DNAH9: variants seen among roughly 807,000 people sequenced by gnomAD.
DNAH9 encodes the protein dynein axonemal heavy chain 9.
A neutral mutation model predicts 471.6 loss-of-function variants in DNAH9; 345 were observed. The observed-to-expected ratio is 0.73, with a 90% CI of 0.67 to 0.80. DNAH9 has a LOEUF of 0.80. Among genes scored for constraint, DNAH9 ranks in the 30% least tolerant of loss-of-function variants. The probability of loss-of-function intolerance (pLI) is 0.00; values close to 1 mark genes in which losing one functional copy is unlikely to be tolerated. For synonymous variants in DNAH9, 2,093 were observed against 2,123.6 expected (o/e 0.99, Z 0.40); for missense variants, 5,407 against 5,609.2 (o/e 0.96, Z 1.15).
At chr17:11,883,317 A>G in intron 55 of DNAH9, 4 of 1,189,970 alleles carry the variant, frequency 3.4e-6, no homozygotes, top group East Asian at 3.8e-5. Flanking sequence ...CCCATTGTGC[A>G]TTAAGCATAG....
At chr17:11,931,643 G>A (rs988261280) in intron 63 of DNAH9, among the ~76,000 whole-genome samples, 16 of 152,144 alleles carry the variant, frequency 1.1e-4, no homozygotes, top group Non-Finnish European at 2.4e-4. Context: ...AAGCATGGTA[G>A]GAAGGGAAGA....
chr17:11,624,021 C>T (rs551050402), intron 6 of DNAH9, among the ~76,000 whole-genome samples: 136 of 152,272 alleles, frequency 8.9e-4, no homozygotes, highest in Non-Finnish European at 1.4e-3. Context: ...CAGTATTTTT[C>T]GGTGTCTGCA....
chr17:11,605,270 A>T (rs1379662923), intron 1 of DNAH9, among the ~76,000 whole-genome samples: 1 of 150,880 alleles, frequency 6.6e-6, no homozygotes, highest in East Asian at 2.0e-4. Flanking sequence ...TCCACCCCAC[A>T]CTCCTGATTC....
chr17:11,925,026 A>G, intron 62 of DNAH9: 1 of 358,920 alleles, frequency 2.8e-6, no homozygotes, highest in Non-Finnish European at 5.5e-6. Context: ...CCACTTGTAT[A>G]CATGCTGGAG....
intron 49 of DNAH9, among the ~76,000 whole-genome samples, chr17:11,845,734 A>G (rs896056411): frequency 6.5e-5 from 9 of 138,254 alleles, no homozygotes; most frequent in Non-Finnish European, 1.2e-4. Flanking sequence ...TGTGGTTTTG[A>G]TTTTCATTGC....
intron 61 of DNAH9, among the ~76,000 whole-genome samples, chr17:11,919,425 G>A (rs1974060480): frequency 1.4e-5 from 2 of 146,834 alleles, no homozygotes; most frequent in South Asian, 4.5e-4. Context: ...AACCCGGGAG[G>A]TAGAGCTTGC....
At chr17:11,754,117 G>C (rs1195463257) in intron 33 of DNAH9, among the ~76,000 whole-genome samples, 1 of 142,588 alleles carries the variant, frequency 7.0e-6, no homozygotes, top group African/African-American at 2.6e-5. Flanking sequence ...ATGGCCTCCA[G>C]CTCCATTCAT....
intron 45 of DNAH9, among the ~76,000 whole-genome samples, chr17:11,814,214 C>T (rs1047847832): frequency 2.0e-5 from 3 of 152,150 alleles, no homozygotes; most frequent in Non-Finnish European, 4.4e-5. Context: ...TCAGCAAGTC[C>T]CCACTCTAAT....
intron 61 of DNAH9, among the ~76,000 whole-genome samples, chr17:11,919,233 C>T (rs1299237117): frequency 1.4e-4 from 22 of 151,906 alleles, no homozygotes; most frequent in African/African-American, 5.1e-4. Flanking sequence ...CAGTGGCTCA[C>T]GCCTGTAATC....
intron 48 of DNAH9, among the ~76,000 whole-genome samples, chr17:11,831,703 G>A (rs112668373): frequency 0.011 from 1,654 of 152,220 alleles, 27 homozygotes; most frequent in African/African-American, 0.037. Flanking sequence ...CAGGCAATGC[G>A]GGGAAAACAC....
intron 15 of DNAH9, among the ~76,000 whole-genome samples, chr17:11,665,902 T>C (rs2073857581): frequency 6.6e-6 from 1 of 152,158 alleles, no homozygotes; most frequent in Admixed American, 6.5e-5. Context: ...GACACCTACG[T>C]TGAGAATCCA....
At chr17:11,836,690 T>C (rs574934092) in intron 49 of DNAH9, among the ~76,000 whole-genome samples, 48 of 152,290 alleles carry the variant, frequency 3.2e-4, no homozygotes, top group African/African-American at 1.0e-3. Context: ...TCATTCCGTC[T>C]AAATCTTACC....
chr17:11,685,004 A>G (rs747823547), intron 19 of DNAH9, among the ~76,000 whole-genome samples: 3 of 152,228 alleles, frequency 2.0e-5, no homozygotes, highest in Non-Finnish European at 4.4e-5. Context: ...TTCATGGAGT[A>G]GATGAGGTTA....
At chr17:11,690,535 C>A in intron 20 of DNAH9, 99 bp downstream of exon 20, 1 of 1,180,656 alleles carries the variant, frequency 8.5e-7, no homozygotes, top group Non-Finnish European at 1.2e-6. Context: ...CCTTTTCTGC[C>A]TCCTTGCTTT....
At chr17:11,930,969 T>G (rs1430284024) in intron 63 of DNAH9, among the ~76,000 whole-genome samples, 2 of 152,150 alleles carry the variant, frequency 1.3e-5, no homozygotes, top group Admixed American at 6.5e-5. Context: ...AGGCTTATGT[T>G]GTAGCGTATT....
At chr17:11,755,687 T>TACACACACACACACAC (rs375603663) in intron 33 of DNAH9, among the ~76,000 whole-genome samples, 4 of 148,538 alleles carry the variant, frequency 2.7e-5, no homozygotes, top group Non-Finnish European at 6.0e-5. Flanking sequence ...TCAACACACA[T>TACACACACACACACAC]ACACACACAC....
At chr17:11,702,218 G>A (rs763741582) in intron 24 of DNAH9, among the ~76,000 whole-genome samples, 1 of 152,198 alleles carries the variant, frequency 6.6e-6, no homozygotes, top group Non-Finnish European at 1.5e-5. Context: ...AAGGCTGCAG[G>A]TGGATTCTGG....
At chr17:11,931,943 T>G in intron 63 of DNAH9, 71 bp from the exon 64 acceptor site, 1 of 1,546,302 alleles carries the variant, frequency 6.5e-7, no homozygotes. Flanking sequence ...ACCCTGATTG[T>G]AACCTCACCC....
intron 9 of DNAH9, among the ~76,000 whole-genome samples, chr17:11,637,384 A>G (rs1036484347): frequency 6.6e-6 from 1 of 152,330 alleles, no homozygotes; most frequent in Admixed American, 6.5e-5. Context: ...TAAATAATGA[A>G]TACAAAAGGC....
Sources: allele counts gnomAD v4.1 joint callset (sites outside exome capture counted in the v4.1 genomes callset), GRCh38; gene constraint gnomAD v4.1.1; transcripts MANE v1.5; gene names NCBI Gene and HGNC (gene_info 2026-07-23, HGNC 2026-07-21).